The following DNAH6 variants were observed in gnomAD, a reference collection of about 807,000 sequenced individuals.
DNAH6 encodes the protein dynein axonemal heavy chain 6, also known as axonemal beta dynein heavy chain 6.
Under a neutral mutation model 491.4 loss-of-function variants are expected in DNAH6, and 340 were observed. The observed-to-expected ratio is 0.69, with a 90% CI of 0.63 to 0.76. The LOEUF is 0.76. DNAH6 is among the 30% of genes least tolerant of loss of function. DNAH6 has a pLI of 0.00. For missense variants in DNAH6, 4,443 were observed against 4,972.2 expected, an observed-to-expected ratio of 0.89 and a Z score of 3.20; for synonymous variants, 1,603 against 1,686.1, an observed-to-expected ratio of 0.95 and a Z score of 1.21.
intron 64 of DNAH6, among the ~76,000 whole-genome samples, chr2:84,776,959 C>T (rs1470433919): frequency 1.3e-5 from 2 of 152,156 alleles, no homozygotes; most frequent in Non-Finnish European, 2.9e-5. Context: ...ATGGATGAAG[C>T]TGGAAACCAT....
intron 56 of DNAH6, 75 bp downstream of exon 56, chr2:84,710,487 TC>T: frequency 7.0e-7 from 1 of 1,424,266 alleles, no homozygotes; most frequent in Admixed American, 2.1e-5. Flanking sequence ...ATAGGCCACA[TC>T]CCCATCATGC....
chr2:84,754,885 C>A (rs985800133), intron 63 of DNAH6, among the ~76,000 whole-genome samples: 1 of 152,198 alleles, frequency 6.6e-6, no homozygotes, highest in Non-Finnish European at 1.5e-5. Flanking sequence ...ATATTTACCT[C>A]TTAACAACAT....
intron 63 of DNAH6, among the ~76,000 whole-genome samples, chr2:84,748,135 C>T (rs939012172): frequency 6.6e-6 from 1 of 152,188 alleles, no homozygotes; most frequent in Non-Finnish European, 1.5e-5. Context: ...TGAATGGTAG[C>T]ACCTGGCTCC....
chr2:84,479,486 A>G, the DNAH6 span, among the ~76,000 whole-genome samples: 1 of 152,232 alleles, frequency 6.6e-6, no homozygotes, highest in African/African-American at 2.4e-5. Flanking sequence ...AGTTTAATAG[A>G]TAGCCTCTCC....
At chr2:84,512,019 G>A (rs899110412), upstream of DNAH6, among the ~76,000 whole-genome samples, 2 of 152,134 alleles carry the variant, frequency 1.3e-5, no homozygotes, top group African/African-American at 4.8e-5. Flanking sequence ...CTAACACATG[G>A]TCTTTCCCAG....
At chr2:84,528,836 A>G (rs1197303018) in intron 3 of DNAH6, 68 bp from the exon 4 acceptor site, 23 of 1,400,534 alleles carry the variant, frequency 1.6e-5, no homozygotes, top group Non-Finnish European at 2.2e-5. Flanking sequence ...TGAAGGTAAT[A>G]TTTTGTTGCT....
intron 33 of DNAH6, among the ~76,000 whole-genome samples, chr2:84,646,082 T>C (rs1689863962): frequency 6.6e-6 from 1 of 152,244 alleles, no homozygotes. Context: ...GTAGCTTGTG[T>C]TCACCATGTG....
At chr2:84,798,508 C>T (rs993519497) in intron 70 of DNAH6, among the ~76,000 whole-genome samples, 3 of 152,200 alleles carry the variant, frequency 2.0e-5, no homozygotes, top group Non-Finnish European at 2.9e-5. Context: ...GATAACACTA[C>T]CACACTCATC....
chr2:84,617,973 A>G (rs560358794), intron 23 of DNAH6, among the ~76,000 whole-genome samples: 1 of 152,082 alleles, frequency 6.6e-6, no homozygotes, highest in African/African-American at 2.4e-5. Flanking sequence ...GTCTTCACCT[A>G]TCTCCCCATG....
intron 68 of DNAH6, among the ~76,000 whole-genome samples, chr2:84,792,050 A>T (rs891965287): frequency 5.3e-5 from 8 of 152,218 alleles, no homozygotes; most frequent in African/African-American, 1.9e-4. Context: ...TTTATCCTTA[A>T]AAAAGAAAGA....
chr2:84,506,471 C>G, the DNAH6 span, among the ~76,000 whole-genome samples: 6 of 152,120 alleles, frequency 3.9e-5, no homozygotes, highest in African/African-American at 1.4e-4. Flanking sequence ...TATATTAGCC[C>G]TATGTCAGAC....
chr2:84,497,118 G>A, the DNAH6 span, among the ~76,000 whole-genome samples: 20 of 151,830 alleles, frequency 1.3e-4, no homozygotes, highest in Non-Finnish European at 8.8e-5. Flanking sequence ...CTATAGGTGC[G>A]CACCACCATG....
At chr2:84,675,457 C>T (rs185738293) in intron 40 of DNAH6, among the ~76,000 whole-genome samples, 2 of 152,252 alleles carry the variant, frequency 1.3e-5, no homozygotes, top group Non-Finnish European at 2.9e-5. Context: ...ACACACTCTT[C>T]CCTTTGCCAG....
intron 30 of DNAH6, among the ~76,000 whole-genome samples, chr2:84,636,363 C>G (rs572846202): frequency 2.6e-5 from 4 of 152,342 alleles, no homozygotes; most frequent in African/African-American, 9.6e-5. Context: ...CCTGAAACAT[C>G]CTTCTTCCTT....
chr2:84,812,731 C>T (rs543884105), intron 73 of DNAH6, among the ~76,000 whole-genome samples: 1 of 152,328 alleles, frequency 6.6e-6, no homozygotes, highest in South Asian at 2.1e-4. Context: ...CCACCTTCCA[C>T]TTTAATTCCA....
chr2:84,591,938 T>C (rs1383327428), intron 16 of DNAH6, among the ~76,000 whole-genome samples: 1 of 152,076 alleles, frequency 6.6e-6, no homozygotes, highest in Non-Finnish European at 1.5e-5. Flanking sequence ...CAAAAATCAG[T>C]TCAAAATGAA....
intron 11 of DNAH6, among the ~76,000 whole-genome samples, chr2:84,570,126 G>A (rs1681625442): frequency 2.0e-5 from 3 of 152,030 alleles, no homozygotes; most frequent in South Asian, 4.2e-4. Context: ...GGTGGGGTAG[G>A]ATAGTACAAT....
chr2:84,520,221 A>G (rs971127358), intron 2 of DNAH6, among the ~76,000 whole-genome samples: 1 of 152,116 alleles, frequency 6.6e-6, no homozygotes, highest in Admixed American at 6.6e-5. Context: ...ATTATATTTA[A>G]CATACAATTT....
intron 37 of DNAH6, among the ~76,000 whole-genome samples, chr2:84,665,106 G>A (rs1691952988): frequency 6.6e-6 from 1 of 152,220 alleles, no homozygotes; most frequent in Non-Finnish European, 1.5e-5. Context: ...GCAGTGTGTA[G>A]AGGGAAATTT....
Sources: gnomAD v4.1 joint callset for allele counts (sites outside exome capture counted in the v4.1 genomes callset) on GRCh38, gnomAD v4.1.1 for gene constraint, MANE v1.5 for transcripts, NCBI Gene and HGNC (gene_info 2026-07-23, HGNC 2026-07-21) for gene names.